The following RAD51B variants were observed in gnomAD, a reference collection of about 807,000 sequenced individuals.
The protein encoded by RAD51B is DNA repair protein RAD51 homolog 2.
RAD51B carries 38 observed loss-of-function variants against 42.2 expected under a neutral mutation model. The ratio of observed to expected loss-of-function variants is 0.90; its 90% CI spans 0.70 to 1.18. The LOEUF is 1.18. Among genes scored for constraint, RAD51B ranks in the 50% most tolerant of loss-of-function variants. The probability of loss-of-function intolerance (pLI) is 0.00; values close to 1 mark genes in which losing one functional copy is unlikely to be tolerated. For missense variants in RAD51B, 373 were observed against 400.7 expected (o/e 0.93, Z 0.59); for synonymous variants, 154 against 145.2 (o/e 1.06, Z -0.43).
intron 10 of RAD51B, among the ~76,000 whole-genome samples, chr14:68,637,484 C>T (rs1179010863): frequency 6.6e-6 from 1 of 152,222 alleles, no homozygotes; most frequent in Non-Finnish European, 1.5e-5. Context: ...AGGATGAGAA[C>T]AAGCTGGTAG....
chr14:68,300,800 G>A (rs2081715241), intron 8 of RAD51B, among the ~76,000 whole-genome samples: 1 of 152,170 alleles, frequency 6.6e-6, no homozygotes, highest in South Asian at 2.1e-4. Context: ...CTCATATTCA[G>A]GGACATATAA....
intron 7 of RAD51B, among the ~76,000 whole-genome samples, chr14:67,979,896 G>T (rs1484641183): frequency 6.6e-6 from 1 of 152,086 alleles, no homozygotes; most frequent in Non-Finnish European, 1.5e-5. Flanking sequence ...GTTTGTTTAA[G>T]TCACATAAAT....
intron 10 of RAD51B, among the ~76,000 whole-genome samples, chr14:68,483,184 A>G (rs1299539737): frequency 1.3e-5 from 2 of 152,178 alleles, no homozygotes; most frequent in Non-Finnish European, 2.9e-5. Context: ...CACTTCCTCC[A>G]TGTTCTGAAG....
chr14:67,847,154 A>G (rs1174283528), intron 4 of RAD51B, among the ~76,000 whole-genome samples: 8 of 151,776 alleles, frequency 5.3e-5, no homozygotes, highest in South Asian at 2.1e-4. Context: ...CCCTCCATCC[A>G]TTCTCATTGC....
intron 10 of RAD51B, among the ~76,000 whole-genome samples, chr14:68,617,792 A>ATTTTGT (rs1350650783): frequency 6.6e-6 from 1 of 151,974 alleles, no homozygotes; most frequent in Non-Finnish European, 1.5e-5. Flanking sequence ...CAGTACATTT[A>ATTTTGT]TTTTGTTGTT....
intron 10 of RAD51B, among the ~76,000 whole-genome samples, chr14:68,544,844 G>A (rs1888139148): frequency 6.6e-6 from 1 of 152,028 alleles, no homozygotes; most frequent in African/African-American, 2.4e-5. Flanking sequence ...TTCATGGTTG[G>A]TTACCTATCC....
intron 4 of RAD51B, among the ~76,000 whole-genome samples, chr14:67,843,098 C>T (rs1046206685): frequency 2.0e-5 from 3 of 150,592 alleles, no homozygotes; most frequent in Non-Finnish European, 3.0e-5. Flanking sequence ...ATTTTTGCAT[C>T]CATGTTCATC....
At chr14:68,254,315 G>C (rs987020074) in intron 7 of RAD51B, among the ~76,000 whole-genome samples, 2 of 152,150 alleles carry the variant, frequency 1.3e-5, no homozygotes, top group Non-Finnish European at 2.9e-5. Flanking sequence ...GGAGGTTCTT[G>C]TCCTAGTTAG....
chr14:68,168,022 T>C (rs1444737090), intron 7 of RAD51B, among the ~76,000 whole-genome samples: 1 of 152,158 alleles, frequency 6.6e-6, no homozygotes, highest in African/African-American at 2.4e-5. Context: ...ACTACTCTGA[T>C]AGTGACACTG....
At chr14:67,834,765 G>A (rs551847743) in intron 3 of RAD51B, among the ~76,000 whole-genome samples, 1 of 152,150 alleles carries the variant, frequency 6.6e-6, no homozygotes, top group Admixed American at 6.5e-5. Context: ...TCCAAAATCT[G>A]TATCAGTTAT....
At chr14:68,515,443 CTT>C (rs59782915) in intron 10 of RAD51B, among the ~76,000 whole-genome samples, 17 of 52,734 alleles carry the variant, frequency 3.2e-4, no homozygotes, top group Middle Eastern at 9.1e-3. Context: ...TCTTCTTCTT[CTT>C]TTTTTTTTTT....
At chr14:68,350,870 C>T (rs2082772289) in intron 8 of RAD51B, among the ~76,000 whole-genome samples, 2 of 152,154 alleles carry the variant, frequency 1.3e-5, no homozygotes, top group South Asian at 4.1e-4. Context: ...CTTTTGTGAA[C>T]CAGTGTAGCA....
In RAD51B at chr14:67,850,400, G is replaced by C. The variant is rs78400024; in HGVS notation, c.316-14603G>C. On this transcript the variant is annotated intron_variant, in intron 4 of 10. Transcript: ENST00000471583. ...CCCTTTCCTTCCCCCACTCACTAAA[G>C]GGTGTGACTTAAGAGTATGTCGAGT... 7.1e-3 allele frequency among the ~76,000 whole-genome samples: 1,087 copies of C among 152,188 alleles called. 17 individuals are homozygous for C. Among genetic ancestry groups the C allele is most frequent in the African/African-American group, 0.025 (1,042 of 41,482 alleles).
chr14:68,224,594 ATATT>A (rs1380751794), intron 7 of RAD51B, among the ~76,000 whole-genome samples: 5 of 152,322 alleles, frequency 3.3e-5, no homozygotes, highest in Admixed American at 2.0e-4. Context: ...CATCTGATAA[ATATT>A]TATTAAGTTG....
intron 10 of RAD51B, chr14:68,540,585 G>A: frequency 2.0e-6 from 2 of 985,350 alleles, no homozygotes; most frequent in Non-Finnish European, 2.4e-6. Flanking sequence ...CGTGGTTCTA[G>A]GTGCTGTGCA....
chr14:68,328,870 G>T (rs918675823), intron 8 of RAD51B, among the ~76,000 whole-genome samples: 1 of 152,168 alleles, frequency 6.6e-6, no homozygotes, highest in Non-Finnish European at 1.5e-5. Flanking sequence ...CACACTGCAA[G>T]GAAGAGCTGA....
chr14:68,502,245 G>A (rs1264253494), intron 10 of RAD51B, among the ~76,000 whole-genome samples: 1 of 152,242 alleles, frequency 6.6e-6, no homozygotes, highest in African/African-American at 2.4e-5. Flanking sequence ...CTGAAGGAGG[G>A]AGAGCCTTTG....
intron 7 of RAD51B, among the ~76,000 whole-genome samples, chr14:68,115,289 A>G (rs9671220): frequency 0.021 from 2,655 of 125,894 alleles, 71 homozygotes; most frequent in African/African-American, 0.092. Context: ...GTAAACTATC[A>G]CAAGAACAAA....
chr14:68,674,918 G>A (rs1371275766), intron 11 of RAD51B, among the ~76,000 whole-genome samples: 1 of 152,172 alleles, frequency 6.6e-6, no homozygotes, highest in East Asian at 1.9e-4. Flanking sequence ...CAGCCTTGGG[G>A]GTCCATGCTA....
Sources: allele counts gnomAD v4.1 joint callset (sites outside exome capture counted in the v4.1 genomes callset), GRCh38; gene constraint gnomAD v4.1.1; transcripts MANE v1.5; gene names NCBI Gene and HGNC (gene_info 2026-07-23, HGNC 2026-07-21).